Variants in PDE9A observed in about 807,000 individuals in gnomAD.
The protein encoded by PDE9A is phosphodiesterase 9A, also known as high affinity cGMP-specific 3',5'-cyclic phosphodiesterase 9A.
A neutral mutation model predicts 87.4 loss-of-function variants in PDE9A; 60 were observed. The ratio of observed to expected loss-of-function variants is 0.69; its 90% confidence interval spans 0.56 to 0.85. The LOEUF (loss-of-function observed/expected upper bound fraction) is 0.85. PDE9A is among the 40% of genes least tolerant of loss of function. PDE9A has a pLI of 0.00. For missense variants in PDE9A, 665 were observed against 779.0 expected, an observed-to-expected ratio of 0.85 and a Z score of 1.74; for synonymous variants, 272 against 279.4, an observed-to-expected ratio of 0.97 and a Z score of 0.27.
At chr21:42,708,090 C>T (rs760493511) in intron 4 of PDE9A, among the ~76,000 whole-genome samples, 5 of 152,112 alleles carry the variant, frequency 3.3e-5, no homozygotes, top group East Asian at 3.8e-4. Flanking sequence ...TAATAATGCT[C>T]CTTAATAATA....
intron 2 of PDE9A, among the ~76,000 whole-genome samples, 194 bp downstream of exon 2, chr21:42,686,456 G>C (rs555748579): frequency 1.3e-4 from 20 of 152,350 alleles, no homozygotes; most frequent in African/African-American, 4.8e-4. Flanking sequence ...GCCTCCACAG[G>C]TGATGGCTGT....
At chr21:42,711,227 A>C (rs923533360) in intron 4 of PDE9A, among the ~76,000 whole-genome samples, 1 of 149,952 alleles carries the variant, frequency 6.7e-6, no homozygotes, top group East Asian at 1.9e-4. Flanking sequence ...TGTTGTGGTC[A>C]GTACTTCTTG....
chr21:42,746,091 G>A (rs141353642), intron 8 of PDE9A, among the ~76,000 whole-genome samples: 2 of 152,226 alleles, frequency 1.3e-5, no homozygotes, highest in Non-Finnish European at 2.9e-5. Flanking sequence ...GCAGGAGTGA[G>A]TGGTGAGACA....
At chr21:42,664,845 G>A (rs2057856095) in intron 1 of PDE9A, among the ~76,000 whole-genome samples, 1 of 152,214 alleles carries the variant, frequency 6.6e-6, no homozygotes, top group East Asian at 1.9e-4. Flanking sequence ...CGCCTGCACT[G>A]TCACCACGTC....
At chr21:42,770,397 G>T (rs1281784117) in intron 17 of PDE9A, among the ~76,000 whole-genome samples, 1 of 152,170 alleles carries the variant, frequency 6.6e-6, no homozygotes, top group East Asian at 1.9e-4. Context: ...CAGCCGGGAG[G>T]CTGTCAGCTC....
intron 4 of PDE9A, among the ~76,000 whole-genome samples, chr21:42,718,409 G>A (rs964693793): frequency 6.6e-6 from 1 of 151,750 alleles, no homozygotes; most frequent in East Asian, 1.9e-4. Context: ...CTAATGACCT[G>A]TATGTTAGAA....
At chr21:42,715,925 G>A (rs950392345) in intron 4 of PDE9A, among the ~76,000 whole-genome samples, 31 of 150,538 alleles carry the variant, frequency 2.1e-4, no homozygotes, top group African/African-American at 7.0e-4. Flanking sequence ...CATCCCTCCC[G>A]CCCCAAGCCC....
chr21:42,662,295 G>A (rs1478450889), intron 1 of PDE9A, among the ~76,000 whole-genome samples: 1 of 151,944 alleles, frequency 6.6e-6, no homozygotes, highest in Non-Finnish European at 1.5e-5. Flanking sequence ...GTGTCCGGGC[G>A]TGCGTGAAGG....
chr21:42,711,870 T>C (rs1340426932), intron 4 of PDE9A, among the ~76,000 whole-genome samples: 1 of 152,198 alleles, frequency 6.6e-6, no homozygotes, highest in Non-Finnish European at 1.5e-5. Context: ...ATGGTATCTC[T>C]GTGTTTGGGC....
At chr21:42,658,362 C>T (rs1345673402) in intron 1 of PDE9A, among the ~76,000 whole-genome samples, 1 of 152,220 alleles carries the variant, frequency 6.6e-6, no homozygotes, top group Non-Finnish European at 1.5e-5. Flanking sequence ...TCAGGCCCCT[C>T]TGCCTTCATT....
Position 42,687,918 on chromosome 21 carries a change from A to G in PDE9A, c.142A>G (p.Asn48Asp). The change falls in exon 3 of 20, where the codon AAC becomes GAC. Residue 48 changes from asparagine (N) to aspartate (D), a missense_variant and splice_region_variant. Coordinates refer to ENST00000291539, the MANE Select transcript of PDE9A (RefSeq NM_002606.3). ...CACGGGCTTGGGTGTGTTTTCCAGG[A>G]ACACGACCATCTCCCTGCTGACCAC... ...LFCIATGLPR[N>D]TTISLLTTDD... is the part of the protein sequence containing the mutation. 6.2e-7 allele frequency: 1 copy of G among 1,613,008 alleles called. No homozygotes were observed. Among genetic ancestry groups the G allele is most frequent in the East Asian group, 2.2e-5 (1 of 44,872 alleles).
At chr21:42,670,230 T>C (rs1402766369) in intron 1 of PDE9A, among the ~76,000 whole-genome samples, 1 of 74,156 alleles carries the variant, frequency 1.3e-5, no homozygotes, top group Non-Finnish European at 2.4e-5. Context: ...CACATACACT[T>C]ACATTCACAC....
chr21:42,763,044 A>T (rs1050129010), intron 14 of PDE9A, among the ~76,000 whole-genome samples: 55 of 152,220 alleles, frequency 3.6e-4, no homozygotes, highest in Middle Eastern at 3.4e-3. Context: ...GCGTGATGGG[A>T]GGAGAGTGAG....
intron 4 of PDE9A, among the ~76,000 whole-genome samples, chr21:42,706,471 C>A (rs981748637): frequency 6.6e-6 from 1 of 152,018 alleles, no homozygotes; most frequent in Admixed American, 6.6e-5. Flanking sequence ...ATGGTGAAAC[C>A]CTGTCTCTAC....
intron 13 of PDE9A, among the ~76,000 whole-genome samples, chr21:42,761,831 C>A (rs1009035824): frequency 6.6e-6 from 1 of 152,164 alleles, no homozygotes; most frequent in African/African-American, 2.4e-5. Context: ...AGGGCCTGTC[C>A]CAGGGAGCAT....
intron 10 of PDE9A, among the ~76,000 whole-genome samples, chr21:42,755,083 G>A (rs1481693007): frequency 6.6e-6 from 1 of 152,200 alleles, no homozygotes; most frequent in African/African-American, 2.4e-5. Flanking sequence ...AAATGAAAAA[G>A]TTCCCTCATT....
At chr21:42,715,626 GA>G (rs559538193) in intron 4 of PDE9A, among the ~76,000 whole-genome samples, 12 of 144,564 alleles carry the variant, frequency 8.3e-5, no homozygotes, top group Admixed American at 2.8e-4. Flanking sequence ...CCAGACAAAA[GA>G]AAAAAAAAAG....
At chr21:42,721,372 T>C (rs988468545) in intron 4 of PDE9A, among the ~76,000 whole-genome samples, 1 of 152,200 alleles carries the variant, frequency 6.6e-6, no homozygotes, top group Non-Finnish European at 1.5e-5. Flanking sequence ...GGGTCTTCGG[T>C]TGATTTTCCT....
intron 3 of PDE9A, among the ~76,000 whole-genome samples, chr21:42,693,744 G>A (rs4464360): frequency 0.13 from 19,625 of 151,750 alleles, 1,332 homozygotes; most frequent in Middle Eastern, 0.17. Context: ...AGGCATGCAC[G>A]ACCACACCTG....
Sources: allele counts gnomAD v4.1 joint callset (sites outside exome capture counted in the v4.1 genomes callset), GRCh38; gene constraint gnomAD v4.1.1; transcripts MANE v1.5; gene names NCBI Gene and HGNC (gene_info 2026-07-23, HGNC 2026-07-21).